DHX9: variants seen among roughly 807,000 people sequenced by gnomAD.
DHX9 encodes the protein DExH-box helicase 9.
Under a neutral mutation model 148.7 loss-of-function variants are expected in DHX9, and 27 were observed. The ratio of observed to expected loss-of-function variants is 0.18; its 90% CI spans 0.13 to 0.25. The LOEUF (loss-of-function observed/expected upper bound fraction) is 0.25. Ranked by LOEUF, DHX9 falls within the 10% of genes least tolerant of loss-of-function variation. The probability of loss-of-function intolerance (pLI) is 1.00; values close to 1 mark genes in which losing one functional copy is unlikely to be tolerated. For synonymous variants in DHX9, 529 were observed against 516.6 expected (o/e 1.02, Z -0.33); for missense variants, 796 against 1,559.6 (o/e 0.51, Z 8.25).
chr1:182,865,995 C>T (rs1648278603), intron 12 of DHX9, among the ~76,000 whole-genome samples: 1 of 152,148 alleles, frequency 6.6e-6, no homozygotes, highest in Non-Finnish European at 1.5e-5. Context: ...GCACCTGATG[C>T]AAAAGTGCAT....
intron 14 of DHX9, among the ~76,000 whole-genome samples, chr1:182,868,341 G>A (rs2102608880): frequency 6.6e-6 from 1 of 152,092 alleles, no homozygotes; most frequent in South Asian, 2.1e-4. Flanking sequence ...ACAAAAATCA[G>A]TAGTGTCCAG....
At chr1:182,880,698 A>C in intron 22 of DHX9, 90 bp downstream of exon 22, 1 of 804,156 alleles carries the variant, frequency 1.2e-6, no homozygotes, top group Non-Finnish European at 2.0e-6. Flanking sequence ...GCTCAGATAG[A>C]CAAAAAAAAA....
chr1:182,883,412 C>T, intron 25 of DHX9, 44 bp downstream of exon 25: 1 of 1,589,886 alleles, frequency 6.3e-7, no homozygotes, highest in East Asian at 2.2e-5. Flanking sequence ...TTGAAATTGT[C>T]TTTACAATCA....
rs1649403536 is a variant in DHX9, at chr1:182,887,792, A to G, written c.*358A>G. On this transcript the variant is annotated 3_prime_UTR_variant, in exon 28 of 28. Coordinates refer to ENST00000367549, the MANE Select transcript of DHX9 (RefSeq NM_001357.5). ...GTTTGTTGACCTCGTATGTTAGAAAATTTTACAATGCCAGCTACATCTGTT... is the reference window on the plus strand; with the variant it reads ...GTTTGTTGACCTCGTATGTTAGAAAGTTTTACAATGCCAGCTACATCTGTT... 5.0e-6 allele frequency: 1 copy of G among 201,628 alleles called. No individual in the cohort carries two copies. The highest frequency in any genetic ancestry group is 2.3e-5 in the African/African-American group (1 of 43,462). 12.5% of individuals were successfully genotyped at this position (201,628 alleles called of 1,614,324 possible). A position where few individuals can be genotyped will look rare whatever the true frequency, so the allele number is the denominator to read the frequency against.
chr1:182,883,152 A>G lies in DHX9; in HGVS notation c.2928A>G (p.Thr976=), dbSNP rs772763875. 1.2e-6 allele frequency: 2 copies of G among 1,613,182 alleles called. No homozygotes were observed. The highest frequency in any genetic ancestry group is 1.7e-5 in the Admixed American group (1 of 60,014). ...NSGFPEDCLL[T]QVFTNTGPDN... ...TCCTCTTAACAGATTGTTTGTTGACACAAGTGTTTACTAACACTGGACCAG... is the reference window on the plus strand; with the variant it reads ...TCCTCTTAACAGATTGTTTGTTGACGCAAGTGTTTACTAACACTGGACCAG... Residue 976 remains threonine, a synonymous_variant, in exon 25 of 28, where the codon ACA becomes ACG. Coordinates refer to ENST00000367549, the MANE Select transcript of DHX9 (RefSeq NM_001357.5).
At chr1:182,864,729 A>G (rs1446357508) in intron 12 of DHX9, among the ~76,000 whole-genome samples, 1 of 152,186 alleles carries the variant, frequency 6.6e-6, no homozygotes, top group African/African-American at 2.4e-5. Context: ...TTAATGTTCT[A>G]GTCGTACTTA....
intron 2 of DHX9, among the ~76,000 whole-genome samples, chr1:182,842,884 A>G (rs1667957161): frequency 6.6e-6 from 1 of 152,228 alleles, no homozygotes; most frequent in Non-Finnish European, 1.5e-5. Flanking sequence ...ATTAGAGCCT[A>G]TATCTTCCTC....
intron 24 of DHX9, among the ~76,000 whole-genome samples, 164 bp from the exon 25 acceptor site, chr1:182,882,975 A>G (rs1649155278): frequency 6.6e-6 from 1 of 152,214 alleles, no homozygotes; most frequent in African/African-American, 2.4e-5. Context: ...TACTCCTTGA[A>G]CTTAATCTGG....
Position 182,858,107 on chromosome 1 carries a change from T to C in DHX9, c.677T>C (p.Ile226Thr), listed in dbSNP as rs1668288978. The C allele has an allele frequency of 6.2e-7, 1 of 1,610,482 alleles. No individual in the cohort carries two copies. Among genetic ancestry groups the C allele is most frequent in the Non-Finnish European group, 8.5e-7 (1 of 1,179,182 alleles). Residue 226 changes from isoleucine to threonine, a missense_variant, in exon 8 of 28, where the codon ATT becomes ACT. Ile to Thr is a moderately conservative substitution (Grantham distance 89). Around this residue, in one of 14 missense-constraint regions of DHX9, gnomAD observed 46 missense variants for 136.3 expected, o/e 0.34. Coordinates refer to ENST00000367549, the MANE Select transcript of DHX9 (RefSeq NM_001357.5). ...TAATCCTGACCTTACATTATAGGGA[T>C]TTTTGCACGAGAACATGGATCAAAT... ...TIYIKQLGRRIFAREHGSNKK... is the reference protein window; with the variant it reads ...TIYIKQLGRRTFAREHGSNKK...
intron 12 of DHX9, among the ~76,000 whole-genome samples, chr1:182,865,147 A>G (rs918762361): frequency 6.6e-6 from 1 of 152,256 alleles, no homozygotes; most frequent in Non-Finnish European, 1.5e-5. Flanking sequence ...AATACAAGCA[A>G]CTTTTGGAAA....
chr1:182,839,899 A>G (rs1454180486), intron 1 of DHX9: 1 of 152,202 alleles, frequency 6.6e-6, no homozygotes, highest in Non-Finnish European at 1.5e-5. Context: ...AAAATTGAAG[A>G]ATGTAAAGGG....
rs1174226766 is a variant in DHX9, at chr1:182,853,424, G to GC, written c.477+8dup. 2 of 1,602,768 alleles carry GC rather than the reference G, an allele frequency of 1.2e-6. No individual in the cohort carries two copies. Among genetic ancestry groups the GC allele is most frequent in the African/African-American group, 2.7e-5 (2 of 74,634 alleles). ...AAGAACAAGAAGTGCAAGCGGTAAG[G>GC]CCAGCACCGTAGGTTACATCTCTGA... On this transcript the variant is annotated splice_region_variant and intron_variant, in intron 5 of 27. Coordinates refer to ENST00000367549, the MANE Select transcript of DHX9 (RefSeq NM_001357.5).
chr1:182,880,943 C>T (rs763301929), intron 22 of DHX9, among the ~76,000 whole-genome samples: 4 of 151,904 alleles, frequency 2.6e-5, no homozygotes, highest in South Asian at 2.1e-4. Flanking sequence ...CTTGAAAGAG[C>T]GGTGTCAGGA....
intron 18 of DHX9, 80 bp downstream of exon 18, chr1:182,876,621 C>G (rs1648813565): frequency 7.5e-7 from 1 of 1,336,556 alleles, no homozygotes; most frequent in Non-Finnish European, 1.1e-6. Flanking sequence ...AAAGAGCTAC[C>G]CAAAAAATTG....
chr1:182,852,477 TA>T, intron 4 of DHX9, 133 bp downstream of exon 4: 4 of 560,740 alleles, frequency 7.1e-6, no homozygotes, highest in Non-Finnish European at 1.2e-5. Flanking sequence ...AAGGCCTTCA[TA>T]AATTTGCACA....
At chr1:182,853,209 G>A (rs1045663134) in intron 4 of DHX9, 97 bp from the exon 5 acceptor site, 1 of 835,478 alleles carries the variant, frequency 1.2e-6, no homozygotes, top group Non-Finnish European at 1.9e-6. Flanking sequence ...ACAGATGTGA[G>A]CCTCCATGCC....
intron 3 of DHX9, among the ~76,000 whole-genome samples, chr1:182,843,882 CA>C (rs1667976765): frequency 6.6e-6 from 1 of 152,220 alleles, no homozygotes; most frequent in African/African-American, 2.4e-5. Flanking sequence ...ACTGCAGCCT[CA>C]AACTCTTGGG....
chr1:182,853,127 A>G (rs766878664), intron 4 of DHX9, among the ~76,000 whole-genome samples, 179 bp from the exon 5 acceptor site: 3 of 151,758 alleles, frequency 2.0e-5, no homozygotes, highest in Non-Finnish European at 2.9e-5. Context: ...GGGTTTCACT[A>G]TGTTGACCAG....
At chr1:182,843,817 C>G (rs181668072) in intron 3 of DHX9, among the ~76,000 whole-genome samples, 2 of 152,300 alleles carry the variant, frequency 1.3e-5, no homozygotes, top group East Asian at 1.9e-4. Flanking sequence ...GCCCCGTAAG[C>G]GATGAGGTCT....
Sources: gnomAD v4.1 joint callset for allele counts (sites outside exome capture counted in the v4.1 genomes callset) on GRCh38, gnomAD v4.1.1 for gene constraint, gnomAD v4.1.1 regional missense constraint, MANE v1.5 for transcripts, NCBI Gene and HGNC (gene_info 2026-07-23, HGNC 2026-07-21) for gene names.